The following EYS variants were observed in gnomAD, a reference collection of about 807,000 sequenced individuals.
EYS encodes the protein protein eyes shut homolog.
EYS carries 250 observed loss-of-function variants against 282.1 expected under a neutral mutation model. The observed-to-expected ratio is 0.89, with a 90% CI of 0.80 to 0.98. EYS has a LOEUF of 0.98. Among genes scored for constraint, EYS ranks in the 50% least tolerant of loss-of-function variants. The pLI, the probability that EYS is intolerant of heterozygous loss-of-function variation, is 0.00. For missense variants in EYS, 4,016 were observed against 3,709.0 expected, an observed-to-expected ratio of 1.08 and a Z score of -2.15; for synonymous variants, 1,355 against 1,282.9, an observed-to-expected ratio of 1.06 and a Z score of -1.20.
chr6:64,426,576 GA>G, intron 28 of EYS, among the ~76,000 whole-genome samples: 1 of 151,958 alleles, frequency 6.6e-6, no homozygotes, highest in Admixed American at 6.6e-5. Context: ...GTTCAGCAGA[GA>G]GAAAAAGATG....
intron 14 of EYS, among the ~76,000 whole-genome samples, chr6:64,991,794 CT>C (rs1771075167): frequency 6.6e-6 from 1 of 151,678 alleles, no homozygotes; most frequent in Non-Finnish European, 1.5e-5. Flanking sequence ...ATGAAATATG[CT>C]GTTAAAAACA....
chr6:65,134,524 C>T (rs1381573228), intron 12 of EYS, among the ~76,000 whole-genome samples: 2 of 152,034 alleles, frequency 1.3e-5, no homozygotes, highest in Non-Finnish European at 2.9e-5. Flanking sequence ...CATGTTCTCA[C>T]TTATAAGGGG....
At chr6:63,909,898 G>T in intron 35 of EYS, among the ~76,000 whole-genome samples, 1 of 152,120 alleles carries the variant, frequency 6.6e-6, no homozygotes, top group East Asian at 1.9e-4. Context: ...GCTCAAGATA[G>T]ATGTCAATGT....
At chr6:65,208,253 A>G (rs933596937) in intron 12 of EYS, among the ~76,000 whole-genome samples, 1 of 151,870 alleles carries the variant, frequency 6.6e-6, no homozygotes, top group African/African-American at 2.4e-5. Context: ...CAAATTGAGA[A>G]ATCTTATACC....
intron 1 of EYS, among the ~76,000 whole-genome samples, chr6:65,681,382 C>G (rs538845319): frequency 1.4e-4 from 22 of 151,902 alleles, no homozygotes; most frequent in Admixed American, 1.2e-3. Context: ...GGGTCAAAGA[C>G]CAAATGTATA....
chr6:64,003,766 A>G (rs1768207934), intron 33 of EYS, among the ~76,000 whole-genome samples: 3 of 152,192 alleles, frequency 2.0e-5, no homozygotes, highest in South Asian at 2.1e-4. Context: ...GTAGGAGGTA[A>G]TTGAATCATG....
chr6:65,282,444 A>G (rs1768250647), intron 12 of EYS, among the ~76,000 whole-genome samples: 1 of 152,040 alleles, frequency 6.6e-6, no homozygotes, highest in Non-Finnish European at 1.5e-5. Flanking sequence ...GGCTCTTAAA[A>G]TGTCTGAAAG....
intron 31 of EYS, among the ~76,000 whole-genome samples, chr6:64,210,231 A>G (rs1765722249): frequency 6.6e-6 from 1 of 152,212 alleles, no homozygotes; most frequent in Admixed American, 6.5e-5. Flanking sequence ...TAGCTATATT[A>G]GTTTGCTAGG....
chr6:65,253,087 C>T (rs1226361967), intron 12 of EYS, among the ~76,000 whole-genome samples: 4 of 151,940 alleles, frequency 2.6e-5, no homozygotes, highest in Admixed American at 2.6e-4. Context: ...TGTGCTAAAA[C>T]ACATAAATCC....
chr6:64,054,936 C>A (rs536461776), intron 33 of EYS, among the ~76,000 whole-genome samples: 2 of 152,262 alleles, frequency 1.3e-5, no homozygotes, highest in South Asian at 4.2e-4. Context: ...GTTTTCAGCA[C>A]ATGCTTTAAA....
chr6:64,594,379 T>A (rs1032990061), intron 24 of EYS, among the ~76,000 whole-genome samples: 1 of 152,122 alleles, frequency 6.6e-6, no homozygotes, highest in African/African-American at 2.4e-5. Flanking sequence ...TGATTTATAA[T>A]CCTTTGGGTA....
At chr6:64,230,026 T>C (rs1176264480) in intron 31 of EYS, among the ~76,000 whole-genome samples, 1 of 152,220 alleles carries the variant, frequency 6.6e-6, no homozygotes, top group Non-Finnish European at 1.5e-5. Context: ...CTGGCTTTAG[T>C]TGTCTAGCAT....
At chr6:64,737,489 T>C (rs11752546) in intron 22 of EYS, among the ~76,000 whole-genome samples, 1 of 152,166 alleles carries the variant, frequency 6.6e-6, no homozygotes, top group Non-Finnish European at 1.5e-5. Context: ...ATCTGGAAAC[T>C]TTCACCTCTC....
At chr6:65,360,635 A>G (rs902459226) in intron 8 of EYS, among the ~76,000 whole-genome samples, 6 of 152,168 alleles carry the variant, frequency 3.9e-5, no homozygotes, top group African/African-American at 1.2e-4. Flanking sequence ...TGACCATACT[A>G]TATTCTAGAG....
intron 31 of EYS, among the ~76,000 whole-genome samples, chr6:64,166,776 G>T (rs1302584804): frequency 6.6e-6 from 1 of 152,170 alleles, no homozygotes; most frequent in Non-Finnish European, 1.5e-5. Flanking sequence ...AAAGATCATG[G>T]TGCTTACAGT....
intron 31 of EYS, among the ~76,000 whole-genome samples, chr6:64,128,863 A>G (rs1344034186): frequency 6.6e-6 from 1 of 152,226 alleles, no homozygotes; most frequent in Non-Finnish European, 1.5e-5. Context: ...TCAAATGATT[A>G]TACACTGTGA....
intron 12 of EYS, among the ~76,000 whole-genome samples, chr6:65,284,299 T>A (rs1768300752): frequency 2.0e-5 from 3 of 152,150 alleles, no homozygotes; most frequent in Admixed American, 2.0e-4. Flanking sequence ...TATGTGAATA[T>A]CCTGCTTCTG....
At chr6:64,049,538 G>C (rs1487132707) in intron 33 of EYS, among the ~76,000 whole-genome samples, 2 of 152,148 alleles carry the variant, frequency 1.3e-5, no homozygotes, top group Non-Finnish European at 2.9e-5. Flanking sequence ...GTACCACTTT[G>C]AAAAGCATTA....
chr6:64,094,498 C>A (rs376571502), intron 31 of EYS, among the ~76,000 whole-genome samples: 1 of 152,084 alleles, frequency 6.6e-6, no homozygotes, highest in Non-Finnish European at 1.5e-5. Flanking sequence ...GTGTATGTGT[C>A]GAGGAATTTA....
Sources: gnomAD v4.1 joint callset for allele counts (sites outside exome capture counted in the v4.1 genomes callset) on GRCh38, gnomAD v4.1.1 for gene constraint, MANE v1.5 for transcripts, NCBI Gene and HGNC (gene_info 2026-07-23, HGNC 2026-07-21) for gene names.